Variants in DNAJB1 observed in about 807,000 individuals in gnomAD.
The protein encoded by DNAJB1 is DnaJ heat shock protein family (Hsp40) member B1.
DNAJB1 carries 14 observed loss-of-function variants against 24.0 expected under a neutral mutation model. The observed-to-expected ratio is 0.58, with a 90% CI of 0.39 to 0.91. DNAJB1 has a LOEUF of 0.91. Among genes scored for constraint, DNAJB1 ranks in the 40% least tolerant of loss-of-function variants. The pLI, the probability that DNAJB1 is intolerant of heterozygous loss-of-function variation, is 0.00. For missense variants in DNAJB1, 517 were observed against 458.1 expected, an observed-to-expected ratio of 1.13 and a Z score of -1.17; for synonymous variants, 262 against 174.4, an observed-to-expected ratio of 1.50 and a Z score of -3.96.
chr19:14,529,389 G>T, upstream of DNAJB1: 1 of 552,480 alleles, frequency 1.8e-6, no homozygotes, highest in Non-Finnish European at 3.3e-6. Flanking sequence ...ATTGGTGGAT[G>T]GTCAAGCCCC....
chr19:14,545,177 A>G, intron 1 of DNAJB1: 1 of 456,780 alleles, frequency 2.2e-6, no homozygotes, highest in Non-Finnish European at 4.4e-6. Context: ...CTCATTGCTC[A>G]AGGGTAAAAC....
At chr19:14,549,043 G>A (rs1599456637) in intron 1 of DNAJB1, among the ~76,000 whole-genome samples, 1 of 151,766 alleles carries the variant, frequency 6.6e-6, no homozygotes, top group African/African-American at 2.4e-5. Flanking sequence ...GCTTAAAAAG[G>A]TAAAAACGTC....
At chr19:14,529,833 C>G, upstream of DNAJB1, 1 of 1,410,478 alleles carries the variant, frequency 7.1e-7, no homozygotes. Flanking sequence ...ACGGCGCAGG[C>G]GCAGTGGGCA....
intron 1 of DNAJB1, 42 bp downstream of exon 1, chr19:14,518,097 C>T (rs1382031642): frequency 7.1e-6 from 10 of 1,411,360 alleles, no homozygotes; most frequent in Middle Eastern, 1.9e-4. Context: ...GTTTCCCTGT[C>T]TGTCAAAAGG....
In DNAJB1 at chr19:14,539,140, A is replaced by ATT. The variant is rs57801378; in HGVS notation, c.-214+11066_-214+11067dup. On this transcript the variant is annotated intron_variant, in intron 1 of 3. Transcript: ENST00000676982. ...AGGCGCCCACCACCACGCCCGGCTAATTTTTTTTTTTTTTTTTTTTTTTTT... is the reference window on the plus strand; with the variant it reads ...AGGCGCCCACCACCACGCCCGGCTAATTTTTTTTTTTTTTTTTTTTTTTTTTT... Among the ~76,000 whole-genome samples, 72 of 92,542 alleles carry ATT rather than the reference A, an allele frequency of 7.8e-4. 2 individuals carry two copies. The highest frequency in any genetic ancestry group is 2.1e-3 in the East Asian group (7 of 3,372). The allele number at this position is 92,542 out of a possible 152,430, so 60.7% of individuals were successfully genotyped here.
Position 14,516,505 on chromosome 19 carries a change from G to C in DNAJB1, c.753C>G (p.Gly251=). 2 of 1,614,094 alleles carry C rather than the reference G, an allele frequency of 1.2e-6. No homozygotes were observed. The highest frequency in any genetic ancestry group is 1.7e-6 in the Non-Finnish European group (2 of 1,179,956). The change falls in exon 2 of 3, where the codon GGC becomes GGG. Residue 251 remains glycine, a synonymous_variant. Coordinates refer to ENST00000254322, the MANE Select transcript of DNAJB1 (RefSeq NM_006145.3). Reference sequence around the variant, plus strand: ...TCCTGGCAGGATAAATGACATCAGAGCCATCTCTCTTAAAGATATTGTGGG... The same window carrying C: ...TCCTGGCAGGATAAATGACATCAGACCCATCTCTCTTAAAGATATTGTGGG... ...DKPHNIFKRD[G]SDVIYPARIS...
rs550419604 is a variant in DNAJB1, at chr19:14,548,212, C to T, written c.-214+1996G>A. Among the ~76,000 whole-genome samples the T allele has an allele frequency of 1.9e-4, 29 of 151,882 alleles. 1 individual carries two copies. In the East Asian group the frequency reaches 3.5e-3, roughly 18 times the overall value. Reference sequence around the variant, plus strand: ...CTCCTGACTTCATGATCCGCCCCCTCGGCCTCCCAAAGTGCTGGGATTACA... The same window carrying T: ...CTCCTGACTTCATGATCCGCCCCCTTGGCCTCCCAAAGTGCTGGGATTACA... On this transcript the variant is annotated intron_variant, in intron 1 of 3. Transcript: ENST00000676982.
chr19:14,543,470 GCT>G (rs1444499303), intron 1 of DNAJB1, among the ~76,000 whole-genome samples: 7 of 90,464 alleles, frequency 7.7e-5, no homozygotes, highest in African/African-American at 3.0e-4. Context: ...ACGGAGTCTC[GCT>G]CTGTCGCCCA....
At chr19:14,517,816 G>A (rs1197018495) in intron 1 of DNAJB1, 3 of 257,136 alleles carry the variant, frequency 1.2e-5, no homozygotes, top group East Asian at 6.8e-5. Context: ...AGCGGGCTCC[G>A]CCGCGCCGTC....
chr19:14,521,685 G>A (rs1164652588), upstream of DNAJB1, among the ~76,000 whole-genome samples: 2 of 151,876 alleles, frequency 1.3e-5, no homozygotes, highest in Non-Finnish European at 2.9e-5. Flanking sequence ...GCAGTGGCAC[G>A]ATCTCAGCTC....
upstream of DNAJB1, among the ~76,000 whole-genome samples, chr19:14,519,213 T>C (rs999925263): frequency 5.3e-5 from 8 of 152,126 alleles, no homozygotes; most frequent in Admixed American, 3.9e-4. Context: ...GCTAAAAATA[T>C]AAAAATTACC....
intron 1 of DNAJB1, among the ~76,000 whole-genome samples, chr19:14,544,349 T>C (rs2073229575): frequency 6.6e-6 from 1 of 152,068 alleles, no homozygotes; most frequent in Non-Finnish European, 1.5e-5. Context: ...TGGATACTTG[T>C]GGAACGAGTA....
chr19:14,535,784 G>T (rs2072878991), intron 1 of DNAJB1, among the ~76,000 whole-genome samples: 6 of 141,330 alleles, frequency 4.2e-5, no homozygotes, highest in South Asian at 2.2e-4. Context: ...AAAAGGGAAA[G>T]TGGTGAGCCT....
In DNAJB1 at chr19:14,518,211, C is replaced by T. The variant is rs367975514; in HGVS notation, c.139G>A (p.Glu47Lys). Residue 47 changes from glutamate (E) to lysine (K), a missense_variant, in exon 1 of 3, where the codon GAG (glutamate) becomes AAG (lysine). By Grantham distance (56) the Glu-to-Lys change is moderately conservative. Coordinates refer to ENST00000254322, the MANE Select transcript of DNAJB1 (RefSeq NM_006145.3). ...KEPGAEEKFK[E>K]IAEAYDVLSD... Reference sequence around the variant, plus strand: ...AGCACGTCGTAGGCCTCAGCGATCTCCTTGAACTTCTCCTCGGCGCCGGGC... The same window carrying T: ...AGCACGTCGTAGGCCTCAGCGATCTTCTTGAACTTCTCCTCGGCGCCGGGC... The T allele has an allele frequency of 1.6e-5, 26 of 1,610,496 alleles. No individual in the cohort carries two copies. Among genetic ancestry groups the T allele is most frequent in the Non-Finnish European group, 2.1e-5 (25 of 1,178,710 alleles).
chr19:14,516,854 G>C lies in DNAJB1; in HGVS notation c.404C>G (p.Pro135Arg). Residue 135 changes from proline (P) to arginine (R), a missense_variant, in exon 2 of 3, where the codon CCT becomes CGT. Physicochemically the swap from Pro to Arg is moderately radical, Grantham distance 103 (BLOSUM62 -2). Transcript: ENST00000254322. The part of the protein sequence containing the change: ...MDIDDPFSGF[P>R]MGMGGFTNVN... ...GTTGGTGAAGCCACCCATGCCCATAGGGAAGCCAGAGAATGGGTCATCAAT... is the reference window on the plus strand; with the variant it reads ...GTTGGTGAAGCCACCCATGCCCATACGGAAGCCAGAGAATGGGTCATCAAT... The C allele has an allele frequency of 1.2e-6, 2 of 1,614,102 alleles. No homozygotes were observed. The highest frequency in any genetic ancestry group is 1.1e-5 in the South Asian group (1 of 91,084).
chr19:14,535,506 CAAAAAAAAAAAAAAAAAAAAAAAA>C (rs1172079027), intron 1 of DNAJB1, among the ~76,000 whole-genome samples: 2 of 17,178 alleles, frequency 1.2e-4, no homozygotes, highest in African/African-American at 5.6e-4. Context: ...GACTCCGTCT[CAAAAAAAAAAAAAAAAAAAAAAAA>C]AAAAAAAAAA....
intron 1 of DNAJB1, 166 bp downstream of exon 1, chr19:14,517,973 G>C: frequency 1.5e-6 from 1 of 658,198 alleles, no homozygotes; most frequent in Non-Finnish European, 2.3e-6. Flanking sequence ...TCCTCCCACC[G>C]CGCGGCCGCC....
intron 1 of DNAJB1, among the ~76,000 whole-genome samples, chr19:14,546,145 C>T (rs2073298882): frequency 1.3e-5 from 2 of 152,254 alleles, no homozygotes; most frequent in South Asian, 4.1e-4. Flanking sequence ...CACAAATCTG[C>T]TTTCAGAAAA....
chr19:14,547,037 G>C, intron 1 of DNAJB1, among the ~76,000 whole-genome samples: 1 of 152,182 alleles, frequency 6.6e-6, no homozygotes, highest in East Asian at 1.9e-4. Context: ...AGGGTAATCA[G>C]TGCTAACCTT....
Sources: gnomAD v4.1 joint callset for allele counts (sites outside exome capture counted in the v4.1 genomes callset) on GRCh38, gnomAD v4.1.1 for gene constraint, MANE v1.5 for transcripts, NCBI Gene and HGNC (gene_info 2026-07-23, HGNC 2026-07-21) for gene names.